Variants in SMAP1 observed in about 807,000 individuals in gnomAD.
SMAP1 encodes the protein small ArfGAP 1.
SMAP1 carries 24 observed loss-of-function variants against 58.5 expected under a neutral mutation model. That is an observed-to-expected ratio of 0.41 (90% CI 0.30 to 0.58). The LOEUF (loss-of-function observed/expected upper bound fraction) is 0.58, where lower values mean the gene tolerates loss of function less well. SMAP1 is among the 20% of genes least tolerant of loss of function. The pLI, the probability that SMAP1 is intolerant of heterozygous loss-of-function variation, is 0.29. For synonymous variants in SMAP1, 216 were observed against 196.6 expected (o/e 1.10, Z -0.82); for missense variants, 563 against 566.3 (o/e 0.99, Z 0.06).
At chr6:70,797,315 G>A (rs934066078) in intron 5 of SMAP1, among the ~76,000 whole-genome samples, 1 of 151,856 alleles carries the variant, frequency 6.6e-6, no homozygotes, top group Non-Finnish European at 1.5e-5. Flanking sequence ...TTTCTTTTTA[G>A]TGTTGAAATG....
chr6:70,677,868 A>C (rs1330100931), intron 1 of SMAP1, among the ~76,000 whole-genome samples: 2 of 152,114 alleles, frequency 1.3e-5, no homozygotes, highest in Non-Finnish European at 2.9e-5. Flanking sequence ...TTTTGTTTAA[A>C]ATTGTTTCAC....
chr6:70,673,117 T>A lies in SMAP1; in HGVS notation c.118+4976T>A, dbSNP rs142749732. Among the ~76,000 whole-genome samples, 284 of 152,268 alleles carry A rather than the reference T, an allele frequency of 1.9e-3. 1 individual carries two copies. The highest frequency in any genetic ancestry group is 6.6e-3 in the African/African-American group (274 of 41,536). On this transcript the variant is annotated intron_variant, in intron 1 of 10. Transcript: ENST00000370455. Reference sequence around the variant, plus strand: ...GGTATAGAGCAGGAAAGAGATCCACTGTAGCTATTTTCAGGAATCAGGTAC... The same window carrying A: ...GGTATAGAGCAGGAAAGAGATCCACAGTAGCTATTTTCAGGAATCAGGTAC...
intron 1 of SMAP1, among the ~76,000 whole-genome samples, chr6:70,680,812 G>A (rs1311271430): frequency 7.1e-6 from 1 of 141,044 alleles, no homozygotes; most frequent in Non-Finnish European, 1.5e-5. Context: ...TCTGCCTCCC[G>A]GGTTCAAGTG....
Position 70,861,720 on chromosome 6 carries a change from C to T in SMAP1, c.*1386C>T, listed in dbSNP as rs911385329. On this transcript the variant is annotated 3_prime_UTR_variant, in exon 11 of 11. Coordinates refer to ENST00000370455, the MANE Select transcript of SMAP1 (RefSeq NM_001044305.3). ...ACTTTGGCTCGTTGGCTAGATTAAC[C>T]TTCTCTGTCCGAGTGTGCCACACGA... 3 of 1,614,126 alleles carry T rather than the reference C, an allele frequency of 1.9e-6. No homozygotes were observed. The highest frequency in any genetic ancestry group is 2.5e-6 in the Non-Finnish European group (3 of 1,179,990).
intron 1 of SMAP1, among the ~76,000 whole-genome samples, chr6:70,703,203 A>C (rs900425226): frequency 8.5e-5 from 13 of 152,056 alleles, no homozygotes; most frequent in African/African-American, 3.1e-4. Context: ...CAGCCTCCCA[A>C]GTAGTTGGGA....
intron 6 of SMAP1, among the ~76,000 whole-genome samples, chr6:70,833,144 AT>A (rs1770432482): frequency 6.6e-6 from 1 of 152,188 alleles, no homozygotes; most frequent in Admixed American, 6.5e-5. Context: ...TCTATCTAGA[AT>A]TTTAGAAGGA....
intron 6 of SMAP1, among the ~76,000 whole-genome samples, chr6:70,803,457 T>C (rs1768958933): frequency 6.6e-6 from 1 of 152,178 alleles, no homozygotes; most frequent in African/African-American, 2.4e-5. Flanking sequence ...CCTGGATTCA[T>C]TGATTTTTTT....
In SMAP1 at chr6:70,829,976, C is replaced by T. The variant is rs546338375; in HGVS notation, c.577-6965C>T. Reference sequence around the variant, plus strand: ...TATTCAATTATATTCTGTGGGGTAGCGTTAATGAATCACAAAAAGATTGGG... The same window carrying T: ...TATTCAATTATATTCTGTGGGGTAGTGTTAATGAATCACAAAAAGATTGGG... On this transcript the variant is annotated intron_variant, in intron 6 of 10. Coordinates refer to ENST00000370455, the MANE Select transcript of SMAP1 (RefSeq NM_001044305.3). 4.9e-4 allele frequency among the ~76,000 whole-genome samples: 74 copies of T among 152,092 alleles called. 2 individuals are homozygous for T. The South Asian group carries it at 0.014, about 29-fold the overall frequency.
chr6:70,720,584 T>C (rs1582058443), intron 1 of SMAP1, among the ~76,000 whole-genome samples: 1 of 152,362 alleles, frequency 6.6e-6, no homozygotes. Context: ...ATGAGGACCC[T>C]GCCCCTGCAG....
At chr6:70,807,232 A>G (rs764197709) in intron 6 of SMAP1, among the ~76,000 whole-genome samples, 26 of 152,170 alleles carry the variant, frequency 1.7e-4, no homozygotes, top group Non-Finnish European at 3.4e-4. Flanking sequence ...CCTAAGTCTC[A>G]TTGAGGTTTA....
At chr6:70,681,472 G>T (rs573674345) in intron 1 of SMAP1, among the ~76,000 whole-genome samples, 1 of 152,064 alleles carries the variant, frequency 6.6e-6, no homozygotes, top group Non-Finnish European at 1.5e-5. Flanking sequence ...TACTTCTTTC[G>T]CTGATGTTAA....
At chr6:70,720,520 G>A (rs1409223750) in intron 1 of SMAP1, among the ~76,000 whole-genome samples, 1 of 152,214 alleles carries the variant, frequency 6.6e-6, no homozygotes, top group Non-Finnish European at 1.5e-5. Flanking sequence ...GGGACTCTGT[G>A]TGGGGGCTCT....
chr6:70,675,685 G>A (rs1333714446), intron 1 of SMAP1, among the ~76,000 whole-genome samples: 1 of 151,994 alleles, frequency 6.6e-6, no homozygotes, highest in African/African-American at 2.4e-5. Context: ...CAACTTGGAG[G>A]GGAGTGACTG....
At chr6:70,834,432 T>C (rs953163089) in intron 6 of SMAP1, among the ~76,000 whole-genome samples, 1 of 152,156 alleles carries the variant, frequency 6.6e-6, no homozygotes, top group African/African-American at 2.4e-5. Flanking sequence ...TTAGTTCCTG[T>C]ATTCCTATTT....
At chr6:70,712,757 T>A (rs1768103286) in intron 1 of SMAP1, among the ~76,000 whole-genome samples, 1 of 151,306 alleles carries the variant, frequency 6.6e-6, no homozygotes, top group African/African-American at 2.4e-5. Flanking sequence ...TATTTTTTTT[T>A]ATTGCTTTTC....
At chr6:70,690,151 T>C (rs1327271237) in intron 1 of SMAP1, among the ~76,000 whole-genome samples, 3 of 152,202 alleles carry the variant, frequency 2.0e-5, no homozygotes. Context: ...GGGTTCAGAC[T>C]TTATCTTTTA....
At chr6:70,786,059 TACTGGCAA>T (rs1194836871) in intron 4 of SMAP1, among the ~76,000 whole-genome samples, 1 of 152,164 alleles carries the variant, frequency 6.6e-6, no homozygotes, top group African/African-American at 2.4e-5. Context: ...CTCAATAAAA[TACTGGCAA>T]ACTGAATCCA....
chr6:70,726,091 T>C (rs1768772857), intron 1 of SMAP1, among the ~76,000 whole-genome samples: 1 of 152,246 alleles, frequency 6.6e-6, no homozygotes, highest in South Asian at 2.1e-4. Flanking sequence ...TTTTTCTTTA[T>C]GTTTTGAGCC....
chr6:70,685,826 C>T (rs1766913181), intron 1 of SMAP1, among the ~76,000 whole-genome samples: 1 of 152,082 alleles, frequency 6.6e-6, no homozygotes. Context: ...TAGAATCGTC[C>T]CATTCTTTGT....
Sources: allele counts gnomAD v4.1 joint callset (sites outside exome capture counted in the v4.1 genomes callset), GRCh38; gene constraint gnomAD v4.1.1; transcripts MANE v1.5; gene names NCBI Gene and HGNC (gene_info 2026-07-23, HGNC 2026-07-21).